The following KLHL32 variants were observed in gnomAD, a reference collection of about 807,000 sequenced individuals.
KLHL32 encodes the protein kelch like family member 32.
In KLHL32, 35 loss-of-function variants were observed where a neutral mutation model predicts 64.8. The observed-to-expected ratio is 0.54, with a 90% CI of 0.41 to 0.72. KLHL32 has a LOEUF of 0.72. Ranked by LOEUF, KLHL32 falls within the 30% of genes least tolerant of loss-of-function variation. KLHL32 has a pLI of 0.00. For missense variants in KLHL32, 589 were observed against 768.5 expected, an observed-to-expected ratio of 0.77 and a Z score of 2.76; for synonymous variants, 259 against 281.0, an observed-to-expected ratio of 0.92 and a Z score of 0.78.
intron 7 of KLHL32, 75 bp from the exon 8 acceptor site, chr6:97,127,329 T>C: frequency 3.2e-6 from 4 of 1,232,296 alleles, no homozygotes; most frequent in East Asian, 2.3e-5. Flanking sequence ...TCTCCTTTAA[T>C]TGTATCTCAT....
At chr6:97,100,607 A>C (rs1171712946) in intron 6 of KLHL32, among the ~76,000 whole-genome samples, 1 of 152,050 alleles carries the variant, frequency 6.6e-6, no homozygotes, top group Non-Finnish European at 1.5e-5. Context: ...CTTAAATGCA[A>C]CTTGGGTACT....
chr6:96,949,078 A>G (rs1187214864), intron 1 of KLHL32, among the ~76,000 whole-genome samples: 1 of 152,086 alleles, frequency 6.6e-6, no homozygotes, highest in African/African-American at 2.4e-5. Flanking sequence ...TCACATCACG[A>G]TGTTTTGTGC....
intron 4 of KLHL32, among the ~76,000 whole-genome samples, chr6:97,053,620 T>C (rs1372471093): frequency 1.3e-5 from 2 of 152,162 alleles, no homozygotes; most frequent in Non-Finnish European, 2.9e-5. Flanking sequence ...ATGCCCATTT[T>C]CTTCAGATGC....
intron 6 of KLHL32, among the ~76,000 whole-genome samples, chr6:97,107,058 G>A (rs551659312): frequency 9.9e-5 from 15 of 152,146 alleles, no homozygotes; most frequent in East Asian, 9.7e-4. Flanking sequence ...TTTGGGAGGC[G>A]AAGGCGGGCG....
intron 6 of KLHL32, among the ~76,000 whole-genome samples, chr6:97,103,475 A>C (rs1796016446): frequency 6.6e-6 from 1 of 152,198 alleles, no homozygotes; most frequent in South Asian, 2.1e-4. Context: ...GGCCTCCCAA[A>C]GTGCTGGGAT....
intron 6 of KLHL32, among the ~76,000 whole-genome samples, chr6:97,109,125 C>A (rs1328581282): frequency 6.6e-6 from 1 of 152,136 alleles, no homozygotes; most frequent in Non-Finnish European, 1.5e-5. Context: ...CTCCAGTCCC[C>A]CACCTGCTGA....
At position 97,139,233 on chromosome 6, in the gene KLHL32, C is replaced by G; in HGVS notation, c.1814C>G (p.Pro605Arg). ...CFLPAPYFTC[P>R]NLQTLQVPHH... Reference sequence around the variant, plus strand: ...CTTCCAGCTCCATATTTTACATGCCCTAACCTTCAAACTCTTCAAGTGCCT... The same window carrying G: ...CTTCCAGCTCCATATTTTACATGCCGTAACCTTCAAACTCTTCAAGTGCCT... Residue 605 changes from proline (P) to arginine (R), a missense_variant, in exon 11 of 11, where the codon CCT becomes CGT. Physicochemically the swap from Pro to Arg is moderately radical, Grantham distance 103. Coordinates refer to ENST00000369261, the MANE Select transcript of KLHL32 (RefSeq NM_052904.4). 6.2e-7 allele frequency: 1 copy of G among 1,614,022 alleles called. No homozygotes were observed. Among genetic ancestry groups the G allele is most frequent in the Non-Finnish European group, 8.5e-7 (1 of 1,179,940 alleles).
At chr6:96,906,584 C>G in the KLHL32 span, among the ~76,000 whole-genome samples, 225 of 152,246 alleles carry the variant, frequency 1.5e-3, 6 homozygotes, top group South Asian at 0.031. Flanking sequence ...TGCTGTTATT[C>G]TCATCCATGT....
chr6:97,028,707 T>C (rs1783082204), intron 3 of KLHL32, among the ~76,000 whole-genome samples: 1 of 152,224 alleles, frequency 6.6e-6, no homozygotes. Flanking sequence ...AGAGCAGGAT[T>C]GTGCCATTGG....
At chr6:97,038,298 A>G (rs1784589934) in intron 3 of KLHL32, among the ~76,000 whole-genome samples, 1 of 152,046 alleles carries the variant, frequency 6.6e-6, no homozygotes, top group South Asian at 2.1e-4. Context: ...TAACCAGAAT[A>G]TATAAGAAAC....
intron 6 of KLHL32, among the ~76,000 whole-genome samples, chr6:97,100,799 CTTTTTTT>C (rs763909891): frequency 1.2e-4 from 12 of 96,274 alleles, no homozygotes; most frequent in African/African-American, 4.0e-4. Flanking sequence ...GCTCATTATT[CTTTTTTT>C]TTTTTTTTTT....
At chr6:97,138,899 C>T (rs1800366877) in intron 10 of KLHL32, among the ~76,000 whole-genome samples, 1 of 152,156 alleles carries the variant, frequency 6.6e-6, no homozygotes, top group Non-Finnish European at 1.5e-5. Flanking sequence ...TATAAATATA[C>T]ATGTATGTAT....
At chr6:97,003,645 C>A (rs999200092) in intron 3 of KLHL32, among the ~76,000 whole-genome samples, 11 of 152,118 alleles carry the variant, frequency 7.2e-5, no homozygotes, top group African/African-American at 2.7e-4. Context: ...TAGCTTTAAT[C>A]CATCTTGAGT....
chr6:96,996,478 T>C (rs1449350268), intron 3 of KLHL32, among the ~76,000 whole-genome samples: 1 of 152,178 alleles, frequency 6.6e-6, no homozygotes, highest in African/African-American at 2.4e-5. Context: ...TAAATGAGTA[T>C]AATATGTAAT....
intron 3 of KLHL32, among the ~76,000 whole-genome samples, chr6:96,981,487 C>T (rs375169535): frequency 6.6e-6 from 1 of 151,734 alleles, no homozygotes; most frequent in Non-Finnish European, 1.5e-5. Flanking sequence ...CTTATTTATT[C>T]TTTTGAAGAA....
At chr6:96,902,422 C>A in the KLHL32 span, among the ~76,000 whole-genome samples, 1 of 152,060 alleles carries the variant, frequency 6.6e-6, no homozygotes, top group Non-Finnish European at 1.5e-5. Context: ...TGGGCATGTT[C>A]TTTGCATACT....
At position 97,085,293 on chromosome 6, in the gene KLHL32, G is replaced by A. The variant is rs1246638905; in HGVS notation, c.579G>A (p.Val193=). 6.2e-7 allele frequency: 1 copy of A among 1,613,318 alleles called. No homozygotes were observed. Among genetic ancestry groups the A allele is most frequent in the Non-Finnish European group, 8.5e-7 (1 of 1,180,028 alleles). The change falls in exon 6 of 11, where the codon GTG becomes GTA. Residue 193 remains valine (V), a synonymous_variant. Transcript: ENST00000369261. ...LTLPYCLLQE[V]LKSDRLTSLS... ...TTCCCTATTGCCTGCTTCAGGAGGTGCTGAAGAGCGACCGCCTGACCTCCC... is the reference window on the plus strand; with the variant it reads ...TTCCCTATTGCCTGCTTCAGGAGGTACTGAAGAGCGACCGCCTGACCTCCC...
At chr6:97,095,526 G>C (rs1794862844) in intron 6 of KLHL32, among the ~76,000 whole-genome samples, 1 of 152,166 alleles carries the variant, frequency 6.6e-6, no homozygotes, top group Admixed American at 6.5e-5. Context: ...TCGTCTTCAT[G>C]CTCTGTGAAA....
intron 4 of KLHL32, among the ~76,000 whole-genome samples, chr6:97,050,389 T>A (rs1314695127): frequency 6.6e-6 from 1 of 152,134 alleles, no homozygotes; most frequent in Non-Finnish European, 1.5e-5. Flanking sequence ...GCAGGGTGAC[T>A]CCTAAGCAGG....
Sources: gnomAD v4.1 joint callset for allele counts (sites outside exome capture counted in the v4.1 genomes callset) on GRCh38, gnomAD v4.1.1 for gene constraint, MANE v1.5 for transcripts, NCBI Gene and HGNC (gene_info 2026-07-23, HGNC 2026-07-21) for gene names.